The following TGFA variants were observed in gnomAD, a reference collection of about 807,000 sequenced individuals.
TGFA encodes protransforming growth factor alpha.
Under a neutral mutation model 21.7 loss-of-function variants are expected in TGFA, and 12 were observed. The observed-to-expected ratio is 0.55, with a 90% CI of 0.35 to 0.90. The LOEUF (loss-of-function observed/expected upper bound fraction) is 0.90, where lower values mean the gene tolerates loss of function less well. Among genes scored for constraint, TGFA ranks in the 40% least tolerant of loss-of-function variants. TGFA has a pLI of 0.01. For missense variants in TGFA, 178 were observed against 210.8 expected, an observed-to-expected ratio of 0.84 and a Z score of 0.96; for synonymous variants, 79 against 88.1, an observed-to-expected ratio of 0.90 and a Z score of 0.58.
At chr2:70,476,538 C>T (rs1051615295) in intron 2 of TGFA, among the ~76,000 whole-genome samples, 2 of 152,196 alleles carry the variant, frequency 1.3e-5, no homozygotes, top group Non-Finnish European at 2.9e-5. Flanking sequence ...TGGCAGGAAA[C>T]TCTCAATCCA....
At chr2:70,545,402 G>GTATGCCACAT (rs1343213489) in intron 1 of TGFA, among the ~76,000 whole-genome samples, 7 of 152,168 alleles carry the variant, frequency 4.6e-5, no homozygotes, top group Non-Finnish European at 1.0e-4. Context: ...CTATGCCACA[G>GTATGCCACAT]TATGCCCCAG....
At chr2:70,499,504 G>A (rs1041334497) in intron 2 of TGFA, among the ~76,000 whole-genome samples, 7 of 152,300 alleles carry the variant, frequency 4.6e-5, no homozygotes, top group African/African-American at 1.7e-4. Context: ...GAACCTTTTA[G>A]TCTGGAGTAA....
intron 2 of TGFA, among the ~76,000 whole-genome samples, chr2:70,502,555 G>A (rs377659452): frequency 1.3e-5 from 2 of 152,024 alleles, no homozygotes; most frequent in Admixed American, 6.6e-5. Context: ...TCCTGACCTC[G>A]AGTGATCTGC....
intron 2 of TGFA, among the ~76,000 whole-genome samples, chr2:70,491,635 C>A (rs1553497648): frequency 6.6e-6 from 1 of 152,184 alleles, no homozygotes; most frequent in Non-Finnish European, 1.5e-5. Context: ...CCAGCCATGC[C>A]CCTTCCCCGG....
intron 3 of TGFA, 132 bp downstream of exon 3, chr2:70,465,484 T>C: frequency 8.1e-7 from 1 of 1,227,196 alleles, no homozygotes; most frequent in African/African-American, 1.5e-5. Context: ...AGCCCCACTG[T>C]TCCAATCCTC....
intron 2 of TGFA, chr2:70,468,495 A>G (rs1670639018): frequency 6.6e-6 from 1 of 152,260 alleles, no homozygotes; most frequent in South Asian, 2.1e-4. Flanking sequence ...CTCTGTGCTC[A>G]CTGAACTTGT....
chr2:70,473,401 A>G (rs528519632), intron 2 of TGFA, among the ~76,000 whole-genome samples: 1 of 151,706 alleles, frequency 6.6e-6, no homozygotes, highest in Admixed American at 6.6e-5. Flanking sequence ...GGTGAGAATA[A>G]TTCTTACTTT....
chr2:70,502,574 C>G (rs1300860635), intron 2 of TGFA, among the ~76,000 whole-genome samples: 2 of 152,136 alleles, frequency 1.3e-5, no homozygotes, highest in African/African-American at 4.8e-5. Context: ...GCTACCTTGG[C>G]CTCCCAAAGT....
intron 2 of TGFA, among the ~76,000 whole-genome samples, chr2:70,513,022 A>C (rs1672152930): frequency 1.3e-5 from 2 of 152,094 alleles, no homozygotes; most frequent in Non-Finnish European, 1.5e-5. Flanking sequence ...GCTTAATCTC[A>C]AGGCCTTTAT....
intron 2 of TGFA, among the ~76,000 whole-genome samples, chr2:70,478,960 G>C (rs946447327): frequency 6.6e-6 from 1 of 152,038 alleles, no homozygotes; most frequent in East Asian, 1.9e-4. Flanking sequence ...TGTGTCATTT[G>C]ATAAAAAATT....
At position 70,503,071 on chromosome 2, in the gene TGFA, T is replaced by C. The variant is rs546950690; in HGVS notation, c.94+11788A>G. On this transcript the variant is annotated intron_variant, in intron 2 of 5. Transcript: ENST00000295400. Reference sequence around the variant, plus strand: ...CCATTTGACCCAGCCATCCCATTACTGGTTATATACACAAAGGATTATAAA... The same window carrying C: ...CCATTTGACCCAGCCATCCCATTACCGGTTATATACACAAAGGATTATAAA... 8.5e-5 allele frequency among the ~76,000 whole-genome samples: 13 copies of C among 152,296 alleles called. No homozygotes were observed. In the South Asian group the frequency reaches 2.3e-3, roughly 27 times the overall value.
chr2:70,486,636 G>GT (rs1282479006), intron 2 of TGFA, among the ~76,000 whole-genome samples: 3 of 151,796 alleles, frequency 2.0e-5, no homozygotes, highest in Admixed American at 1.3e-4. Flanking sequence ...TACTTTTTGT[G>GT]TTTTTTTGTA....
At chr2:70,485,910 A>G (rs913386868) in intron 2 of TGFA, among the ~76,000 whole-genome samples, 3 of 152,218 alleles carry the variant, frequency 2.0e-5, no homozygotes, top group South Asian at 2.1e-4. Flanking sequence ...ATCAGGGGCA[A>G]CGCTGTATCC....
At chr2:70,455,272 C>T (rs568725008) in intron 4 of TGFA, among the ~76,000 whole-genome samples, 4 of 152,338 alleles carry the variant, frequency 2.6e-5, no homozygotes, top group Middle Eastern at 3.4e-3. Flanking sequence ...GGGGCTCTAA[C>T]GGGTGCCTCA....
intron 2 of TGFA, among the ~76,000 whole-genome samples, chr2:70,504,221 G>A (rs1671829955): frequency 6.6e-6 from 1 of 151,216 alleles, no homozygotes; most frequent in Non-Finnish European, 1.5e-5. Flanking sequence ...AGATGAACCT[G>A]GGCAACATGG....
At chr2:70,470,478 G>T (rs371758602) in intron 2 of TGFA, among the ~76,000 whole-genome samples, 1 of 152,186 alleles carries the variant, frequency 6.6e-6, no homozygotes, top group Admixed American at 6.5e-5. Context: ...GGAGAGCAAC[G>T]GTCAGAGAGC....
chr2:70,463,854 C>T (rs1454495326), intron 3 of TGFA, among the ~76,000 whole-genome samples: 18 of 152,288 alleles, frequency 1.2e-4, no homozygotes, highest in African/African-American at 4.3e-4. Context: ...CCCCATCAGT[C>T]CCCCAGGGGC....
intron 1 of TGFA, among the ~76,000 whole-genome samples, chr2:70,530,066 G>A (rs1672770707): frequency 6.6e-6 from 1 of 152,078 alleles, no homozygotes; most frequent in South Asian, 2.1e-4. Context: ...AACCTCCAAG[G>A]CCAGTTCAAG....
chr2:70,457,765 C>G (rs1330488569), intron 3 of TGFA, among the ~76,000 whole-genome samples: 1 of 152,122 alleles, frequency 6.6e-6, no homozygotes, highest in African/African-American at 2.4e-5. Context: ...TGGTCTCGAG[C>G]TCTTGACCTC....
Sources: gnomAD v4.1 joint callset for allele counts (sites outside exome capture counted in the v4.1 genomes callset) on GRCh38, gnomAD v4.1.1 for gene constraint, MANE v1.5 for transcripts, NCBI Gene and HGNC (gene_info 2026-07-23, HGNC 2026-07-21) for gene names.